The following DAB1 variants were observed in gnomAD, a reference collection of about 807,000 sequenced individuals.
DAB1 encodes DAB adaptor protein 1.
A neutral mutation model predicts 64.6 loss-of-function variants in DAB1; 15 were observed. That is an observed-to-expected ratio of 0.23 (90% confidence interval 0.16 to 0.36). The LOEUF is 0.36. Among genes scored for constraint, DAB1 ranks in the 10% least tolerant of loss-of-function variants. The pLI, the probability that DAB1 is intolerant of heterozygous loss-of-function variation, is 1.00. For missense variants in DAB1, 596 were observed against 706.7 expected (o/e 0.84, Z 1.78); for synonymous variants, 235 against 251.9 (o/e 0.93, Z 0.64).
intron 2 of DAB1, among the ~76,000 whole-genome samples, chr1:57,222,382 A>G (rs1666946397): frequency 6.6e-6 from 1 of 152,206 alleles, no homozygotes; most frequent in Admixed American, 6.5e-5. Flanking sequence ...GTTATAGAGG[A>G]AACATGGGAG....
chr1:57,506,173 C>T (rs930843115), intron 7 of DAB1, among the ~76,000 whole-genome samples: 31 of 151,950 alleles, frequency 2.0e-4, no homozygotes, highest in African/African-American at 6.3e-4. Context: ...TTTGATTTGG[C>T]GTTGCATTGT....
intron 2 of DAB1, among the ~76,000 whole-genome samples, chr1:58,513,970 G>T (rs1050499150): frequency 1.3e-5 from 2 of 152,144 alleles, no homozygotes; most frequent in African/African-American, 4.8e-5. Context: ...TAGTCTCTAG[G>T]AGTCTCAGAT....
At chr1:57,906,372 T>C (rs549060573) in intron 5 of DAB1, among the ~76,000 whole-genome samples, 1 of 152,276 alleles carries the variant, frequency 6.6e-6, no homozygotes, top group East Asian at 1.9e-4. Flanking sequence ...AATAAAGCAC[T>C]GGCAGGTGAA....
chr1:58,393,120 CTTTTTTT>C (rs34546253), intron 3 of DAB1, among the ~76,000 whole-genome samples: 1 of 117,188 alleles, frequency 8.5e-6, no homozygotes, highest in Non-Finnish European at 1.7e-5. Context: ...ACTTCCAAAT[CTTTTTTT>C]TTTTTTTTTT....
At chr1:57,485,539 C>G (rs1030648318) in intron 7 of DAB1, among the ~76,000 whole-genome samples, 1 of 152,192 alleles carries the variant, frequency 6.6e-6, no homozygotes, top group Non-Finnish European at 1.5e-5. Flanking sequence ...CCAACCTTTT[C>G]TATCCTGCTC....
At chr1:57,091,135 C>A (rs1426914684) in intron 4 of DAB1, among the ~76,000 whole-genome samples, 1 of 152,134 alleles carries the variant, frequency 6.6e-6, no homozygotes, top group African/African-American at 2.4e-5. Context: ...TTGCCCCATG[C>A]TGGGTGTCTG....
chr1:57,279,703 G>A (rs989085354), intron 2 of DAB1, among the ~76,000 whole-genome samples: 1 of 152,188 alleles, frequency 6.6e-6, no homozygotes, highest in Admixed American at 6.5e-5. Flanking sequence ...ACAAAGGGCT[G>A]ATTGTACATT....
At chr1:57,253,097 G>A (rs1311063473) in intron 2 of DAB1, among the ~76,000 whole-genome samples, 1 of 152,162 alleles carries the variant, frequency 6.6e-6, no homozygotes, top group Admixed American at 6.6e-5. Context: ...CTTGAGGCTG[G>A]GAACAGCTGG....
At chr1:57,422,360 A>T (rs114889277) in intron 1 of DAB1, among the ~76,000 whole-genome samples, 2 of 152,182 alleles carry the variant, frequency 1.3e-5, no homozygotes, top group Non-Finnish European at 2.9e-5. Flanking sequence ...TCCAGCTCGC[A>T]GGAGGGCTCG....
chr1:58,110,531 T>A (rs981361535), intron 5 of DAB1, among the ~76,000 whole-genome samples: 2 of 152,210 alleles, frequency 1.3e-5, no homozygotes, highest in Admixed American at 1.3e-4. Flanking sequence ...TGCAAGGACA[T>A]CTTTACCTCC....
chr1:57,226,672 A>AAAAAATATATAT (rs747021990), intron 2 of DAB1, among the ~76,000 whole-genome samples: 49 of 135,990 alleles, frequency 3.6e-4, no homozygotes, highest in African/African-American at 1.5e-3. Context: ...TTAAAAAAAA[A>AAAAAATATATAT]ATATATATAT....
At chr1:57,961,853 T>G (rs894010855) in intron 5 of DAB1, among the ~76,000 whole-genome samples, 4 of 151,980 alleles carry the variant, frequency 2.6e-5, no homozygotes, top group Non-Finnish European at 4.4e-5. Context: ...TGTCCTGTAA[T>G]CCCAGCTACT....
At chr1:58,364,928 T>C (rs546581051) in intron 3 of DAB1, among the ~76,000 whole-genome samples, 1 of 152,352 alleles carries the variant, frequency 6.6e-6, no homozygotes, top group South Asian at 2.1e-4. Flanking sequence ...TCCAAATCAT[T>C]TGTCCTTTCT....
chr1:57,979,471 G>T (rs549559251), intron 5 of DAB1, among the ~76,000 whole-genome samples: 3 of 152,288 alleles, frequency 2.0e-5, no homozygotes, highest in East Asian at 3.9e-4. Flanking sequence ...TAGGAGACAG[G>T]TTGATGGGTG....
At chr1:57,350,230 T>C (rs920656272) in intron 1 of DAB1, among the ~76,000 whole-genome samples, 2 of 152,172 alleles carry the variant, frequency 1.3e-5, no homozygotes, top group Non-Finnish European at 2.9e-5. Flanking sequence ...TCCTCATTTT[T>C]TGTTCTTTTT....
At chr1:58,162,755 T>C (rs911641468) in intron 4 of DAB1, among the ~76,000 whole-genome samples, 10 of 152,202 alleles carry the variant, frequency 6.6e-5, no homozygotes, top group African/African-American at 2.4e-4. Context: ...ATAAGGAATA[T>C]GTGTACATTG....
chr1:58,193,881 A>C (rs1657526333), intron 4 of DAB1, among the ~76,000 whole-genome samples: 1 of 152,174 alleles, frequency 6.6e-6, no homozygotes, highest in Non-Finnish European at 1.5e-5. Context: ...AGAAAAACAA[A>C]GAAAAACAGA....
chr1:57,683,580 T>C (rs1278633429), intron 6 of DAB1, among the ~76,000 whole-genome samples: 1 of 152,284 alleles, frequency 6.6e-6, no homozygotes, highest in African/African-American at 2.4e-5. Flanking sequence ...ATAAAGATCT[T>C]GTACAGAGCC....
intron 4 of DAB1, among the ~76,000 whole-genome samples, chr1:58,300,598 A>AAG (rs1248596122): frequency 1.6e-4 from 6 of 37,614 alleles, no homozygotes; most frequent in African/African-American, 5.3e-4. Context: ...GAAAGAAAGA[A>AAG]AGAAAGAAAG....
Sources: gnomAD v4.1 joint callset for allele counts (sites outside exome capture counted in the v4.1 genomes callset) on GRCh38, gnomAD v4.1.1 for gene constraint, MANE v1.5 for transcripts, NCBI Gene and HGNC (gene_info 2026-07-23, HGNC 2026-07-21) for gene names.